The following CERS3 variants were observed in gnomAD, a reference collection of about 807,000 sequenced individuals.
CERS3 encodes LAG1 homolog, ceramide synthase 3.
In CERS3, 33 loss-of-function variants were observed where a neutral mutation model predicts 50.3. The observed-to-expected ratio is 0.66, with a 90% CI of 0.50 to 0.88. The LOEUF is 0.88. Ranked by LOEUF, CERS3 falls within the 40% of genes least tolerant of loss-of-function variation. The probability of loss-of-function intolerance (pLI) is 0.00; values close to 1 mark genes in which losing one functional copy is unlikely to be tolerated. For missense variants in CERS3, 470 were observed against 460.3 expected (o/e 1.02, Z -0.19); for synonymous variants, 176 against 155.2 (o/e 1.13, Z -0.99).
At chr15:100,538,362 T>C (rs532269969) in intron 1 of CERS3, among the ~76,000 whole-genome samples, 25 of 152,342 alleles carry the variant, frequency 1.6e-4, no homozygotes, top group African/African-American at 6.0e-4. Context: ...ATTTCTCTTC[T>C]GCACTGCCCT....
intron 11 of CERS3, among the ~76,000 whole-genome samples, chr15:100,416,829 G>GAA (rs2031949749): frequency 6.6e-6 from 1 of 152,106 alleles, no homozygotes; most frequent in Non-Finnish European, 1.5e-5. Flanking sequence ...GGATGAATCT[G>GAA]AAAAGGGTCT....
intron 11 of CERS3, among the ~76,000 whole-genome samples, chr15:100,442,621 G>C (rs2033728729): frequency 6.6e-6 from 1 of 152,128 alleles, no homozygotes; most frequent in Non-Finnish European, 1.5e-5. Context: ...TTCCTCCTAA[G>C]CCGTGTCCTG....
chr15:100,444,756 A>G (rs1345305317), intron 11 of CERS3, among the ~76,000 whole-genome samples: 1 of 152,186 alleles, frequency 6.6e-6, no homozygotes, highest in African/African-American at 2.4e-5. Flanking sequence ...TGAGTCAGGA[A>G]ACTAAAATAC....
At chr15:100,429,995 G>C (rs2033031864) in intron 11 of CERS3, among the ~76,000 whole-genome samples, 1 of 151,538 alleles carries the variant, frequency 6.6e-6, no homozygotes. Flanking sequence ...GGCTTCATCT[G>C]TATTCCTCAA....
At chr15:100,467,763 C>CTATA (rs200506456) in intron 10 of CERS3, among the ~76,000 whole-genome samples, 26 of 119,646 alleles carry the variant, frequency 2.2e-4, no homozygotes, top group Admixed American at 5.4e-4. Flanking sequence ...CTCTCTCTCT[C>CTATA]TCTCTCTATA....
At chr15:100,527,929 C>A (rs2036842402) in intron 1 of CERS3, among the ~76,000 whole-genome samples, 1 of 151,992 alleles carries the variant, frequency 6.6e-6, no homozygotes, top group Non-Finnish European at 1.5e-5. Context: ...AAATGGAAAC[C>A]CCTTTTAAGA....
intron 2 of CERS3, among the ~76,000 whole-genome samples, chr15:100,510,421 T>C (rs149512165): frequency 6.6e-6 from 1 of 152,264 alleles, no homozygotes; most frequent in Non-Finnish European, 1.5e-5. Context: ...AAGAAATTCA[T>C]AATAGAGTTT....
At chr15:100,476,397 G>A (rs2035128008) in intron 7 of CERS3, among the ~76,000 whole-genome samples, 1 of 152,114 alleles carries the variant, frequency 6.6e-6, no homozygotes, top group South Asian at 2.1e-4. Flanking sequence ...AACCCAAGTT[G>A]AATGTTTTGT....
intron 2 of CERS3, among the ~76,000 whole-genome samples, chr15:100,517,021 T>C (rs1485037927): frequency 6.6e-6 from 1 of 152,234 alleles, no homozygotes; most frequent in Non-Finnish European, 1.5e-5. Context: ...GGGTAAGCGA[T>C]GTTTTCTAAG....
Position 100,402,614 on chromosome 15 carries a change from G to T in CERS3, c.*99C>A. The T allele has an allele frequency of 8.3e-7, 1 of 1,204,964 alleles. No homozygotes were observed. Among genetic ancestry groups the T allele is most frequent in the East Asian group, 2.4e-5 (1 of 41,404 alleles). The allele number at this position is 1,204,964 out of a possible 1,614,324, so 74.6% of individuals were successfully genotyped here. A position where few individuals can be genotyped will look rare whatever the true frequency, so the allele number is the denominator to read the frequency against. Reference sequence around the variant, plus strand: ...TGGGAGGGAAGGCGGTGGTGAGAAAGAGGGAAGGGCAGAATGTGGGGTCGG... The same window carrying T: ...TGGGAGGGAAGGCGGTGGTGAGAAATAGGGAAGGGCAGAATGTGGGGTCGG... On this transcript the variant is annotated 3_prime_UTR_variant, in exon 12 of 12. Transcript: ENST00000679737.
At chr15:100,410,624 A>G (rs1040808005) in intron 11 of CERS3, among the ~76,000 whole-genome samples, 1 of 152,160 alleles carries the variant, frequency 6.6e-6, no homozygotes, top group African/African-American at 2.4e-5. Context: ...ACGCACTTCC[A>G]ACTTCTGCTT....
chr15:100,523,740 G>GGTCATACATA (rs1373608135), intron 1 of CERS3, among the ~76,000 whole-genome samples: 2 of 150,626 alleles, frequency 1.3e-5, no homozygotes, highest in East Asian at 1.9e-4. Context: ...GTCTACCCAA[G>GGTCATACATA]GTCATACATA....
At chr15:100,412,323 C>T (rs1340272840) in intron 11 of CERS3, among the ~76,000 whole-genome samples, 1 of 152,064 alleles carries the variant, frequency 6.6e-6, no homozygotes, top group Non-Finnish European at 1.5e-5. Flanking sequence ...CGAAAAGACT[C>T]CCCATTGAAT....
chr15:100,455,823 T>C (rs1876584479), intron 11 of CERS3, 70 bp downstream of exon 11: 2 of 925,228 alleles, frequency 2.2e-6, no homozygotes, highest in South Asian at 3.4e-5. Flanking sequence ...AACTTGAACA[T>C]TCAACAGTCC....
rs80158615 is a variant in CERS3 at position 100,506,050 on chromosome 15, G to A, written c.-1-4200C>T. ...CTATGGGGTGTCTTTGTGAGCCATCGGGTCTGAGAGACCCTGTTTCAAAAC... is the reference window on the plus strand; with the variant it reads ...CTATGGGGTGTCTTTGTGAGCCATCAGGTCTGAGAGACCCTGTTTCAAAAC... On this transcript the variant is annotated intron_variant, in intron 2 of 11. Transcript: ENST00000679737. Among the ~76,000 whole-genome samples, 4,837 of 150,206 alleles carry A rather than the reference G, an allele frequency of 0.032. 321 individuals carry two copies. The East Asian group carries it at 0.32, about 10-fold the overall frequency.
intron 11 of CERS3, among the ~76,000 whole-genome samples, chr15:100,417,762 G>A (rs1457152302): frequency 1.3e-5 from 2 of 151,742 alleles, no homozygotes; most frequent in Non-Finnish European, 2.9e-5. Context: ...TCCTCAAGTA[G>A]GTCCCTGACC....
intron 5 of CERS3, among the ~76,000 whole-genome samples, chr15:100,482,930 T>G (rs1255580889): frequency 6.6e-6 from 1 of 152,240 alleles, no homozygotes; most frequent in African/African-American, 2.4e-5. Context: ...TTAGTCTGTT[T>G]ATCTAGTCCA....
chr15:100,526,531 C>A (rs767184287), intron 1 of CERS3, among the ~76,000 whole-genome samples: 4 of 86,604 alleles, frequency 4.6e-5, no homozygotes, highest in Non-Finnish European at 1.0e-4. Flanking sequence ...ACTTTCCTGG[C>A]CTACCACAAC....
At chr15:100,519,045 G>C (rs1009817265) in intron 2 of CERS3, among the ~76,000 whole-genome samples, 1 of 152,102 alleles carries the variant, frequency 6.6e-6, no homozygotes, top group Non-Finnish European at 1.5e-5. Context: ...TGTGATCCCA[G>C]CTACTCAGGA....
Sources: allele counts gnomAD v4.1 joint callset (sites outside exome capture counted in the v4.1 genomes callset), GRCh38; gene constraint gnomAD v4.1.1; transcripts MANE v1.5; gene names NCBI Gene and HGNC (gene_info 2026-07-23, HGNC 2026-07-21).